The following RP1 variants were observed in gnomAD, a reference collection of about 807,000 sequenced individuals.
RP1 encodes the protein RP1 axonemal microtubule associated, also known as oxygen-regulated protein 1.
Under a neutral mutation model 14.8 loss-of-function variants are expected in RP1, and 16 were observed. That is an observed-to-expected ratio of 1.08 (90% CI 0.73 to 1.65). The LOEUF (loss-of-function observed/expected upper bound fraction) is 1.65. Ranked by LOEUF, RP1 falls within the 40% of genes most tolerant of loss-of-function variation. The probability of loss-of-function intolerance (pLI) is 0.00; values close to 1 mark genes in which losing one functional copy is unlikely to be tolerated. For missense variants in RP1, 2,631 were observed against 2,535.0 expected (o/e 1.04, Z -0.81); for synonymous variants, 876 against 883.6 (o/e 0.99, Z 0.15).
At chr8:54,839,649 A>G (rs891412709) in intron 25 of RP1, among the ~76,000 whole-genome samples, 4 of 151,912 alleles carry the variant, frequency 2.6e-5, no homozygotes, top group South Asian at 4.2e-4. Context: ...CTCAACAATT[A>G]CCAGAGGAAC....
intron 7 of RP1, chr8:54,673,748 A>AACG: frequency 9.7e-7 from 1 of 1,035,438 alleles, no homozygotes; most frequent in East Asian, 2.8e-5. Flanking sequence ...TCAAAACAAC[A>AACG]ACAACAACAA....
intron 12 of RP1, among the ~76,000 whole-genome samples, chr8:54,699,091 A>G (rs1023019075): frequency 1.3e-5 from 2 of 151,294 alleles, no homozygotes; most frequent in South Asian, 2.1e-4. Context: ...TAAATATTAT[A>G]TAATACACAT....
chr8:54,793,424 C>T (rs919812007), intron 24 of RP1, among the ~76,000 whole-genome samples: 1 of 151,870 alleles, frequency 6.6e-6, no homozygotes, highest in African/African-American at 2.4e-5. Context: ...AGGCAAAAAT[C>T]CTCAACAAAA....
intron 6 of RP1, among the ~76,000 whole-genome samples, chr8:54,661,176 A>G (rs1345802740): frequency 1.4e-5 from 2 of 147,548 alleles, no homozygotes; most frequent in African/African-American, 4.9e-5. Context: ...ATGAATATGT[A>G]ATATAATATA....
intron 23 of RP1, among the ~76,000 whole-genome samples, chr8:54,775,339 A>G (rs1810006411): frequency 6.6e-6 from 1 of 152,226 alleles, no homozygotes; most frequent in African/African-American, 2.4e-5. Context: ...AACTGTGTAA[A>G]GCAGAAATGA....
At chr8:54,663,052 A>C (rs1276664696) in intron 6 of RP1, among the ~76,000 whole-genome samples, 1 of 152,164 alleles carries the variant, frequency 6.6e-6, no homozygotes, top group South Asian at 2.1e-4. Context: ...ACAATTCATA[A>C]ATTTTAAGTT....
At position 54,719,733 on chromosome 8, in the gene RP1, T is replaced by C. The variant is rs115652572; in HGVS notation, c.2212-396T>C. ...CAGAAAATTGGTTTACATTTAAATG[T>C]AAATTGACTTATGGTAAGAATAGCA... On this transcript the variant is annotated intron_variant, in intron 15 of 22. Coordinates refer to the RP1 transcript ENST00000636932. Among the ~76,000 whole-genome samples the C allele has an allele frequency of 4.4e-3, 663 of 152,352 alleles. 3 individuals are homozygous for C. Among genetic ancestry groups the C allele is most frequent in the African/African-American group, 0.015 (624 of 41,582 alleles).
chr8:54,708,351 TG>T (rs200171580), intron 15 of RP1, among the ~76,000 whole-genome samples: 1 of 122,818 alleles, frequency 8.1e-6, no homozygotes, highest in South Asian at 2.6e-4. Flanking sequence ...TGGTGATTTC[TG>T]GTTTTTTTTT....
chr8:54,585,251 T>TA lies in RP1; in HGVS notation c.-13+25932dup, dbSNP rs540942719. Among the ~76,000 whole-genome samples, 8 of 152,338 alleles carry TA rather than the reference T, an allele frequency of 5.3e-5. No homozygotes were observed. In the South Asian group the frequency reaches 1.7e-3, roughly 32 times the overall value. ...TAAAGTATTCTATTTCTCCTTCACTTACGAAGCTTAGTTTGGCTGGATATG... is the reference window on the plus strand; with the variant it reads ...TAAAGTATTCTATTTCTCCTTCACTTAACGAAGCTTAGTTTGGCTGGATATG... On this transcript the variant is annotated intron_variant, in intron 1 of 22. Coordinates refer to the RP1 transcript ENST00000636932.
At chr8:54,754,502 T>A (rs1471306540) in intron 19 of RP1, among the ~76,000 whole-genome samples, 1 of 152,184 alleles carries the variant, frequency 6.6e-6, no homozygotes, top group Non-Finnish European at 1.5e-5. Context: ...GCACTCAGCA[T>A]AATATGTGGC....
At chr8:54,781,894 T>C (rs1810198191) in intron 23 of RP1, among the ~76,000 whole-genome samples, 1 of 152,170 alleles carries the variant, frequency 6.6e-6, no homozygotes, top group African/African-American at 2.4e-5. Context: ...ACATATTATA[T>C]GAATCAATGG....
At chr8:54,581,864 G>A (rs1208536413) in intron 1 of RP1, among the ~76,000 whole-genome samples, 1 of 151,940 alleles carries the variant, frequency 6.6e-6, no homozygotes, top group Non-Finnish European at 1.5e-5. Flanking sequence ...TTTTTTTCTT[G>A]TACATTTGTT....
chr8:54,787,176 C>T (rs1468940538), intron 24 of RP1, among the ~76,000 whole-genome samples: 2 of 152,046 alleles, frequency 1.3e-5, no homozygotes, highest in African/African-American at 4.8e-5. Context: ...TATGGTTGCA[C>T]CTAGAATGTC....
chr8:54,825,242 A>G (rs1209308668), intron 24 of RP1, among the ~76,000 whole-genome samples: 2 of 152,304 alleles, frequency 1.3e-5, no homozygotes, highest in African/African-American at 4.8e-5. Context: ...TACAGGCGTG[A>G]GTCACCGTGC....
In RP1 at chr8:54,811,868, C is replaced by G. The variant is rs117780156; in HGVS notation, c.3616-25582C>G. ...AAGCTCACTTACCGCATATTGCCTT[C>G]CTTCACACTATTCAGCAAGACTTGG... On this transcript the variant is annotated intron_variant, in intron 24 of 28. Coordinates refer to the RP1 transcript ENST00000637698. Among the ~76,000 whole-genome samples the G allele has an allele frequency of 7.5e-3, 1,135 of 152,320 alleles. 5 individuals carry two copies. The highest frequency in any genetic ancestry group is 0.013 in the Non-Finnish European group (896 of 68,028).
intron 24 of RP1, among the ~76,000 whole-genome samples, chr8:54,787,348 G>C (rs921585331): frequency 3.5e-4 from 54 of 152,194 alleles, no homozygotes; most frequent in Admixed American, 1.1e-3. Context: ...CCTTGAATCT[G>C]TTTATTGCCT....
At chr8:54,754,860 C>T in exon 20 of RP1, 1 of 1,528,474 alleles carries the variant, frequency 6.5e-7, no homozygotes. Context: ...AAACGTATGG[C>T]TGTCTCGGAT....
chr8:54,871,100 A>C (rs1192967558), exon 29 of RP1: 1 of 152,100 alleles, frequency 6.6e-6, no homozygotes, highest in Non-Finnish European at 1.5e-5. Context: ...ACTGTGTCTA[A>C]ATCAGTGTAT....
chr8:54,601,981 C>T (rs1805303380), intron 1 of RP1, among the ~76,000 whole-genome samples: 1 of 152,176 alleles, frequency 6.6e-6, no homozygotes, highest in African/African-American at 2.4e-5. Context: ...GTGTTCTAAA[C>T]TTAGATCATT....
Sources: gnomAD v4.1 joint callset for allele counts (sites outside exome capture counted in the v4.1 genomes callset) on GRCh38, gnomAD v4.1.1 for gene constraint, MANE v1.5 for transcripts, NCBI Gene and HGNC (gene_info 2026-07-23, HGNC 2026-07-21) for gene names.